The following TTC29 variants were observed in gnomAD, a reference collection of about 807,000 sequenced individuals.
The protein encoded by TTC29 is tetratricopeptide repeat protein 29.
TTC29 carries 49 observed loss-of-function variants against 58.1 expected under a neutral mutation model. The ratio of observed to expected loss-of-function variants is 0.84; its 90% CI spans 0.67 to 1.07. The LOEUF is 1.07. Among genes scored for constraint, TTC29 ranks in the 50% least tolerant of loss-of-function variants. The pLI, the probability that TTC29 is intolerant of heterozygous loss-of-function variation, is 0.00. For synonymous variants in TTC29, 209 were observed against 196.8 expected, an observed-to-expected ratio of 1.06 and a Z score of -0.52; for missense variants, 582 against 555.6, an observed-to-expected ratio of 1.05 and a Z score of -0.48.
At chr4:146,777,733 T>C (rs1417920590) in intron 11 of TTC29, among the ~76,000 whole-genome samples, 1 of 152,206 alleles carries the variant, frequency 6.6e-6, no homozygotes, top group Non-Finnish European at 1.5e-5. Context: ...TCAAGATTTG[T>C]AACAGAATGC....
chr4:146,815,935 G>A (rs1160400923), intron 10 of TTC29, among the ~76,000 whole-genome samples: 2 of 152,096 alleles, frequency 1.3e-5, no homozygotes, highest in Non-Finnish European at 1.5e-5. Flanking sequence ...CCTAATAACA[G>A]AAAGCACAAG....
At chr4:146,863,185 T>C (rs1049664268) in intron 8 of TTC29, among the ~76,000 whole-genome samples, 4 of 151,920 alleles carry the variant, frequency 2.6e-5, no homozygotes, top group African/African-American at 9.7e-5. Flanking sequence ...ACTGGAAATA[T>C]CTGCATAGAG....
At chr4:146,776,999 CGGT>C (rs1190075596) in intron 11 of TTC29, among the ~76,000 whole-genome samples, 1 of 150,722 alleles carries the variant, frequency 6.6e-6, no homozygotes, top group East Asian at 2.0e-4. Context: ...TTCACACTGG[CGGT>C]GGTGGTGGCG....
intron 4 of TTC29, among the ~76,000 whole-genome samples, chr4:146,917,431 T>C (rs1005458309): frequency 6.7e-6 from 1 of 148,596 alleles, no homozygotes; most frequent in Non-Finnish European, 1.5e-5. Context: ...CTTGATTTTT[T>C]TGCAGAATTT....
chr4:146,796,671 G>A (rs969806216), intron 11 of TTC29, among the ~76,000 whole-genome samples: 30 of 152,184 alleles, frequency 2.0e-4, no homozygotes, highest in African/African-American at 5.5e-4. Context: ...TTTCCTTCCT[G>A]TGTGATTATA....
intron 11 of TTC29, among the ~76,000 whole-genome samples, chr4:146,708,355 T>TATATATAC (rs1197518357): frequency 5.0e-4 from 10 of 19,888 alleles, no homozygotes; most frequent in African/African-American, 6.3e-4. Flanking sequence ...TATATATATA[T>TATATATAC]ACACATGTAT....
chr4:146,716,089 T>C (rs1020673802), intron 11 of TTC29, among the ~76,000 whole-genome samples: 3 of 152,164 alleles, frequency 2.0e-5, no homozygotes, highest in Non-Finnish European at 4.4e-5. Context: ...AATCAACATC[T>C]CTCGAATCTG....
chr4:146,768,407 T>C (rs2150071106), intron 11 of TTC29, among the ~76,000 whole-genome samples: 1 of 152,128 alleles, frequency 6.6e-6, no homozygotes, highest in African/African-American at 2.4e-5. Flanking sequence ...TTTTGAAAAG[T>C]CAGAAGCAAA....
At chr4:146,806,465 G>A (rs1003388268) in intron 10 of TTC29, among the ~76,000 whole-genome samples, 2 of 152,124 alleles carry the variant, frequency 1.3e-5, no homozygotes, top group South Asian at 2.1e-4. Context: ...AAGACCCATC[G>A]GTGTGCTTTA....
At chr4:146,891,554 T>G (rs1189784726) in intron 6 of TTC29, among the ~76,000 whole-genome samples, 1 of 152,206 alleles carries the variant, frequency 6.6e-6, no homozygotes, top group African/African-American at 2.4e-5. Flanking sequence ...ACCATCACCA[T>G]CATGTACAAC....
intron 7 of TTC29, among the ~76,000 whole-genome samples, chr4:146,873,202 G>A (rs192502842): frequency 3.2e-3 from 489 of 152,222 alleles, no homozygotes; most frequent in South Asian, 3.5e-3. Context: ...GTAATCATCA[G>A]CTTGCTCCTT....
At chr4:146,928,863 C>T (rs764071872) in intron 4 of TTC29, among the ~76,000 whole-genome samples, 1 of 152,136 alleles carries the variant, frequency 6.6e-6, no homozygotes, top group Non-Finnish European at 1.5e-5. Context: ...GATATCATAT[C>T]ATTTCCCTGC....
intron 8 of TTC29, among the ~76,000 whole-genome samples, chr4:146,864,331 T>G (rs538145446): frequency 6.6e-6 from 1 of 152,272 alleles, no homozygotes; most frequent in South Asian, 2.1e-4. Flanking sequence ...ACCAAGTCCT[T>G]TATAACTTTT....
At chr4:146,781,982 G>T (rs1215159630) in intron 11 of TTC29, among the ~76,000 whole-genome samples, 1 of 151,222 alleles carries the variant, frequency 6.6e-6, no homozygotes, top group South Asian at 2.1e-4. Flanking sequence ...CAAATTTCAC[G>T]GCCAATTTCT....
intron 9 of TTC29, among the ~76,000 whole-genome samples, chr4:146,822,954 GT>G (rs949011378): frequency 6.6e-6 from 1 of 151,882 alleles, no homozygotes; most frequent in Non-Finnish European, 1.5e-5. Flanking sequence ...GGGGTTGTTT[GT>G]TTTTTTCTTG....
intron 11 of TTC29, among the ~76,000 whole-genome samples, chr4:146,779,788 T>G (rs565250517): frequency 1.3e-5 from 2 of 152,270 alleles, no homozygotes; most frequent in South Asian, 4.1e-4. Context: ...GAATCTCACT[T>G]AATGGAAGAC....
At chr4:146,746,988 G>A (rs1745596408) in intron 11 of TTC29, among the ~76,000 whole-genome samples, 1 of 152,078 alleles carries the variant, frequency 6.6e-6, no homozygotes, top group African/African-American at 2.4e-5. Flanking sequence ...CACTGAGAAG[G>A]GAAGGAAACA....
At position 146,903,703 on chromosome 4, in the gene TTC29, A is replaced by G. The variant is rs201547745; in HGVS notation, c.427T>C (p.Leu143=). ...KESFEDVHNN[L]YALACYFNNS... is the part of the protein sequence containing the mutation. ...TTGAAGTAACAGGCCAGAGCATACA[A>G]GTTATTATGTACATCTTCGAAGGAT... is the stretch of plus-strand genomic sequence containing the variant. Residue 143 remains leucine (L), a synonymous_variant, in exon 6 of 13, where the codon TTG becomes CTG. Transcript: ENST00000325106. 146 of 1,607,702 alleles carry G rather than the reference A, an allele frequency of 9.1e-5. 2 individuals carry two copies. In the East Asian group the frequency reaches 3.2e-3, roughly 36 times the overall value.
intron 11 of TTC29, among the ~76,000 whole-genome samples, chr4:146,760,773 G>A (rs1746829735): frequency 7.2e-6 from 1 of 138,684 alleles, no homozygotes; most frequent in Admixed American, 7.4e-5. Context: ...TATATATGAT[G>A]GAATACTATA....
Sources: gnomAD v4.1 joint callset for allele counts (sites outside exome capture counted in the v4.1 genomes callset) on GRCh38, gnomAD v4.1.1 for gene constraint, MANE v1.5 for transcripts, NCBI Gene and HGNC (gene_info 2026-07-23, HGNC 2026-07-21) for gene names.